Variants in GLP2R observed in about 807,000 individuals in gnomAD.
The protein encoded by GLP2R is glucagon-like peptide 2 receptor.
A neutral mutation model predicts 68.2 loss-of-function variants in GLP2R; 59 were observed. The observed-to-expected ratio is 0.87, with a 90% confidence interval of 0.70 to 1.07. The LOEUF (loss-of-function observed/expected upper bound fraction) is 1.07, where lower values mean the gene tolerates loss of function less well. Among genes scored for constraint, GLP2R ranks in the 50% least tolerant of loss-of-function variants. The probability of loss-of-function intolerance (pLI) is 0.00; values close to 1 mark genes in which losing one functional copy is unlikely to be tolerated. For missense variants in GLP2R, 548 were observed against 677.4 expected (o/e 0.81, Z 2.12); for synonymous variants, 270 against 265.4 (o/e 1.02, Z -0.17).
chr17:9,866,644 T>C (rs896063062), intron 9 of GLP2R: 2 of 152,270 alleles, frequency 1.3e-5, no homozygotes, highest in African/African-American at 4.8e-5. Context: ...CTCTCTTGTA[T>C]CTTCCTTTAG....
At chr17:9,865,548 C>A (rs1343185811) in intron 9 of GLP2R, among the ~76,000 whole-genome samples, 1 of 152,138 alleles carries the variant, frequency 6.6e-6, no homozygotes, top group South Asian at 2.1e-4. Flanking sequence ...CAGAATTGCC[C>A]GATGCTCTAC....
chr17:9,843,620 T>C (rs1040994974), intron 4 of GLP2R, among the ~76,000 whole-genome samples: 2 of 152,226 alleles, frequency 1.3e-5, no homozygotes, highest in East Asian at 3.8e-4. Flanking sequence ...ACATGTGTTC[T>C]TTCCAGAATC....
chr17:9,849,195 A>G (rs1448999547), intron 4 of GLP2R, among the ~76,000 whole-genome samples: 2 of 152,038 alleles, frequency 1.3e-5, no homozygotes, highest in Non-Finnish European at 2.9e-5. Flanking sequence ...AATTAAAAGA[A>G]TAATATAGTA....
chr17:9,863,167 G>A (rs12150379), intron 9 of GLP2R, among the ~76,000 whole-genome samples: 31,502 of 152,094 alleles, frequency 0.21, 4,295 homozygotes, highest in Non-Finnish European at 0.31. Context: ...CACACATGGT[G>A]TGCTTAGCCC....
Position 9,880,253 on chromosome 17 carries a change from G to A in GLP2R, c.1146-125G>A, listed in dbSNP as rs1046077068. ...TGAAGCGTTAAATGTTGTAGTGAAGGAGACCATCTGGGAAACAACTATCAA... is the reference window on the plus strand; with the variant it reads ...TGAAGCGTTAAATGTTGTAGTGAAGAAGACCATCTGGGAAACAACTATCAA... On this transcript the variant is annotated intron_variant, in intron 10 of 12. Transcript: ENST00000262441. 1.7e-5 allele frequency: 11 copies of A among 653,606 alleles called. No individual in the cohort carries two copies. In the African/African-American group the frequency reaches 1.8e-4, roughly 11 times the overall value. The allele number at this position is 653,606 out of a possible 1,614,324, so 40.5% of individuals were successfully genotyped here. A position where few individuals can be genotyped will look rare whatever the true frequency, so the allele number is the denominator to read the frequency against.
At chr17:9,864,023 A>G (rs1187288079) in intron 9 of GLP2R, among the ~76,000 whole-genome samples, 1 of 152,170 alleles carries the variant, frequency 6.6e-6, no homozygotes, top group Non-Finnish European at 1.5e-5. Flanking sequence ...GTCCAGCTGG[A>G]TCCCTAGTGT....
intron 11 of GLP2R, among the ~76,000 whole-genome samples, chr17:9,882,831 A>T (rs1313595061): frequency 6.6e-6 from 1 of 152,196 alleles, no homozygotes; most frequent in East Asian, 1.9e-4. Flanking sequence ...CATAACTAGT[A>T]GTCCAGACAA....
At chr17:9,838,771 G>A (rs2066757384) in intron 3 of GLP2R, among the ~76,000 whole-genome samples, 1 of 152,234 alleles carries the variant, frequency 6.6e-6, no homozygotes, top group South Asian at 2.1e-4. Context: ...AGAGAATGTG[G>A]AGACCGTGGA....
chr17:9,848,890 TGTGTGC>T (rs1043038738), intron 4 of GLP2R, among the ~76,000 whole-genome samples: 54 of 145,936 alleles, frequency 3.7e-4, no homozygotes, highest in African/African-American at 4.3e-4. Context: ...TGTGTGTGTG[TGTGTGC>T]GCTCACATAA....
intron 11 of GLP2R, among the ~76,000 whole-genome samples, chr17:9,883,856 A>G (rs2067218300): frequency 6.6e-6 from 1 of 152,250 alleles, no homozygotes; most frequent in East Asian, 1.9e-4. Context: ...AGAAATATCA[A>G]AGGATGTCCT....
intron 9 of GLP2R, among the ~76,000 whole-genome samples, chr17:9,863,550 C>A (rs1481279517): frequency 6.6e-6 from 1 of 152,178 alleles, no homozygotes; most frequent in Non-Finnish European, 1.5e-5. Flanking sequence ...CCCACGCCTG[C>A]CATACTGAAT....
At chr17:9,840,829 C>T (rs1376376240) in intron 3 of GLP2R, among the ~76,000 whole-genome samples, 2 of 152,076 alleles carry the variant, frequency 1.3e-5, no homozygotes, top group Non-Finnish European at 2.9e-5. Flanking sequence ...GCGCTCTATG[C>T]GGGGACCATG....
rs367669929 is a variant in GLP2R, at chr17:9,862,146, C to T, written c.1056+56C>T. On this transcript the variant is annotated intron_variant, in intron 9 of 12. Coordinates refer to ENST00000262441, the MANE Select transcript of GLP2R (RefSeq NM_004246.3). ...CGGAGCCTAGCAGCTGTGGGGAATC[C>T]CCCCGCCCCACCCGACTTCTGTCCC... The T allele has an allele frequency of 6.7e-4, 873 of 1,299,612 alleles. 6 individuals are homozygous for T. In the Middle Eastern group the frequency reaches 6.8e-3, roughly 10 times the overall value. 80.5% of individuals were successfully genotyped at this position (1,299,612 alleles called of 1,614,324 possible).
chr17:9,890,361 T>C lies in GLP2R; in HGVS notation c.*656T>C. ...GTGCCTGCCCTCCTTGGAGAGTATGTAACTCCACCCACCAGAGTGCCACTC... is the reference window on the plus strand; with the variant it reads ...GTGCCTGCCCTCCTTGGAGAGTATGCAACTCCACCCACCAGAGTGCCACTC... On this transcript the variant is annotated 3_prime_UTR_variant, in exon 13 of 13. Coordinates refer to ENST00000262441, the MANE Select transcript of GLP2R (RefSeq NM_004246.3). The C allele has an allele frequency of 3.8e-6, 1 of 265,040 alleles. No individual in the cohort carries two copies. The highest frequency in any genetic ancestry group is 7.4e-6 in the Non-Finnish European group (1 of 135,016). The allele number at this position is 265,040 out of a possible 1,614,324, so 16.4% of individuals were successfully genotyped here.
chr17:9,861,441 G>C (rs1236942848), intron 8 of GLP2R, among the ~76,000 whole-genome samples: 5 of 152,078 alleles, frequency 3.3e-5, no homozygotes, highest in Non-Finnish European at 5.9e-5. Context: ...CCCTGGGTAC[G>C]TAAGGACAAA....
At chr17:9,838,633 T>A (rs78651967) in intron 3 of GLP2R, among the ~76,000 whole-genome samples, 6,413 of 150,302 alleles carry the variant, frequency 0.043, 197 homozygotes, top group East Asian at 0.071. Flanking sequence ...AAAGCCTCTT[T>A]AAAAAAAAAA....
chr17:9,872,314 C>T (rs747605682), intron 10 of GLP2R, among the ~76,000 whole-genome samples: 42 of 152,198 alleles, frequency 2.8e-4, no homozygotes, highest in Non-Finnish European at 5.3e-4. Flanking sequence ...CGGTGACTCA[C>T]GCCTGTAATC....
At chr17:9,839,730 C>G (rs1206855704) in intron 3 of GLP2R, among the ~76,000 whole-genome samples, 1 of 152,204 alleles carries the variant, frequency 6.6e-6, no homozygotes, top group African/African-American at 2.4e-5. Flanking sequence ...CTCGTTAGCA[C>G]TCTCCCCCAC....
At chr17:9,867,858 G>A (rs766400433) in intron 9 of GLP2R, among the ~76,000 whole-genome samples, 4 of 152,158 alleles carry the variant, frequency 2.6e-5, no homozygotes, top group Non-Finnish European at 5.9e-5. Context: ...TGATGCACTG[G>A]TAAAATTTGT....
Sources: allele counts gnomAD v4.1 joint callset (sites outside exome capture counted in the v4.1 genomes callset), GRCh38; gene constraint gnomAD v4.1.1; transcripts MANE v1.5; gene names NCBI Gene and HGNC (gene_info 2026-07-23, HGNC 2026-07-21).